Variants in OASL observed in about 807,000 individuals in gnomAD.
OASL encodes the protein 2'-5'-oligoadenylate synthetase like, also known as 2'-5'-oligoadenylate synthase-like protein.
OASL carries 28 observed loss-of-function variants against 35.3 expected under a neutral mutation model. That is an observed-to-expected ratio of 0.79 (90% CI 0.59 to 1.09). The LOEUF (loss-of-function observed/expected upper bound fraction) is 1.09. Among genes scored for constraint, OASL ranks in the 50% least tolerant of loss-of-function variants. The pLI is 0.00. For synonymous variants in OASL, 252 were observed against 254.6 expected (o/e 0.99, Z 0.10); for missense variants, 620 against 635.2 (o/e 0.98, Z 0.26).
chr12:121,032,517 C>T (rs961116194), intron 2 of OASL, among the ~76,000 whole-genome samples: 13 of 152,048 alleles, frequency 8.5e-5, no homozygotes, highest in Non-Finnish European at 1.9e-4. Context: ...GGTGAGTAAG[C>T]ACGCCAGCGT....
intron 5 of OASL, 89 bp downstream of exon 5, chr12:121,023,901 A>G (rs1027637768): frequency 1.3e-6 from 2 of 1,485,378 alleles, no homozygotes; most frequent in Non-Finnish European, 1.8e-6. Context: ...TCTGTTCTCC[A>G]TCAACACAGA....
chr12:121,033,075 C>T (rs1463828276), intron 2 of OASL, among the ~76,000 whole-genome samples: 2 of 151,990 alleles, frequency 1.3e-5, no homozygotes, highest in African/African-American at 4.8e-5. Flanking sequence ...CAGGCGCCCA[C>T]CACCACACCC....
intron 4 of OASL, among the ~76,000 whole-genome samples, chr12:121,025,779 C>G (rs891907471): frequency 6.6e-6 from 1 of 151,510 alleles, no homozygotes; most frequent in South Asian, 2.1e-4. Context: ...AAAACAAAAC[C>G]CAAAAACAAA....
At chr12:121,031,708 G>A in intron 2 of OASL, 91 bp from the exon 3 acceptor site, 1 of 1,098,708 alleles carries the variant, frequency 9.1e-7, no homozygotes, top group Non-Finnish European at 1.4e-6. Flanking sequence ...CCTTTACATT[G>A]GAAGTATCCC....
chr12:121,035,461 GT>G (rs1869914990), intron 1 of OASL, among the ~76,000 whole-genome samples: 1 of 152,014 alleles, frequency 6.6e-6, no homozygotes, highest in South Asian at 2.1e-4. Flanking sequence ...GGAGGCAGAG[GT>G]TGTGGTGAGC....
At chr12:121,032,299 G>T (rs972401990) in intron 2 of OASL, among the ~76,000 whole-genome samples, 1 of 152,108 alleles carries the variant, frequency 6.6e-6, no homozygotes, top group African/African-American at 2.4e-5. Flanking sequence ...ATCAGATCCT[G>T]TCTCTTATAC....
At chr12:121,034,196 CTTTTT>C (rs10680000) in intron 1 of OASL, among the ~76,000 whole-genome samples, 1 of 146,786 alleles carries the variant, frequency 6.8e-6, no homozygotes, top group Admixed American at 6.8e-5. Context: ...AGCCCAGACT[CTTTTT>C]TTTTTTTTAC....
At chr12:121,035,978 C>G (rs897668414) in intron 1 of OASL, among the ~76,000 whole-genome samples, 91 of 152,340 alleles carry the variant, frequency 6.0e-4, no homozygotes, top group African/African-American at 1.9e-3. Flanking sequence ...CCACCTCAGC[C>G]TCCGGAGTAG....
exon 6 of OASL, chr12:121,020,910 A>G (rs763769086): frequency 3.1e-6 from 5 of 1,614,172 alleles, no homozygotes; most frequent in Non-Finnish European, 4.2e-6. Context: ...ACTGCCAGGA[A>G]CCTGGAAGGA....
chr12:121,021,149 T>C (rs1176102968), intron 5 of OASL, 91 bp from the exon 6 acceptor site: 4 of 1,335,560 alleles, frequency 3.0e-6, no homozygotes, highest in African/African-American at 2.9e-5. Context: ...ATCTTTACAA[T>C]AGTAGCAGCA....
At chr12:121,037,553 T>A (rs750436775) in intron 1 of OASL, among the ~76,000 whole-genome samples, 6 of 151,784 alleles carry the variant, frequency 4.0e-5, no homozygotes, top group Non-Finnish European at 8.8e-5. Flanking sequence ...GGAGGGCAGA[T>A]CATGAGGTCA....
intron 4 of OASL, among the ~76,000 whole-genome samples, chr12:121,024,642 G>T (rs1388510156): frequency 6.6e-6 from 1 of 151,998 alleles, no homozygotes; most frequent in Admixed American, 6.6e-5. Flanking sequence ...TTCTTCTTTG[G>T]GATAGTGCCT....
At chr12:121,033,881 C>T in intron 1 of OASL, 138 bp from the exon 2 acceptor site, 4 of 826,130 alleles carry the variant, frequency 4.8e-6, no homozygotes, top group Non-Finnish European at 7.5e-6. Context: ...AATACCCACA[C>T]TTTACAGGTG....
At chr12:121,018,869 CAAAAAAAAA>C (rs1158102389), downstream of OASL, among the ~76,000 whole-genome samples, 1 of 55,306 alleles carries the variant, frequency 1.8e-5, no homozygotes, top group African/African-American at 7.2e-5. Flanking sequence ...GACTCCATCT[CAAAAAAAAA>C]AAAAAAAAAA....
chr12:121,038,622 T>TG, intron 1 of OASL, 152 bp downstream of exon 1: 3 of 677,514 alleles, frequency 4.4e-6, no homozygotes, highest in Non-Finnish European at 7.7e-6. Context: ...AGTGGTGCAG[T>TG]GGGGTGTAGA....
intron 4 of OASL, among the ~76,000 whole-genome samples, chr12:121,025,265 C>CG (rs1288392008): frequency 1.3e-5 from 2 of 151,960 alleles, no homozygotes; most frequent in Non-Finnish European, 2.9e-5. Context: ...CATGAGCCAC[C>CG]GGTGCCCGGC....
At chr12:121,020,690 C>G in exon 6 of OASL, 2 of 1,614,216 alleles carry the variant, frequency 1.2e-6, no homozygotes, top group Non-Finnish European at 1.7e-6. Context: ...GCTGCTGCTG[C>G]TTTTTAGGAA....
intron 1 of OASL, among the ~76,000 whole-genome samples, 193 bp from the exon 2 acceptor site, chr12:121,033,936 A>G (rs751789792): frequency 1.3e-5 from 2 of 152,158 alleles, no homozygotes; most frequent in African/African-American, 2.4e-5. Flanking sequence ...GGGATGGAGA[A>G]ATGGGGCAGC....
intron 5 of OASL, among the ~76,000 whole-genome samples, chr12:121,023,291 TTTTC>T (rs776982442): frequency 0.016 from 2,197 of 139,306 alleles, 59 homozygotes; most frequent in South Asian, 0.07. Context: ...TTTTTTCTTT[TTTTC>T]TTTTTTTTTT....
Sources: allele counts gnomAD v4.1 joint callset (sites outside exome capture counted in the v4.1 genomes callset), GRCh38; gene constraint gnomAD v4.1.1; transcripts MANE v1.5; gene names NCBI Gene and HGNC (gene_info 2026-07-23, HGNC 2026-07-21).